TDRD3: variants seen among roughly 807,000 people sequenced by gnomAD.
TDRD3 encodes the protein tudor domain-containing protein 3.
TDRD3 carries 45 observed loss-of-function variants against 86.7 expected under a neutral mutation model. The ratio of observed to expected loss-of-function variants is 0.52; its 90% CI spans 0.41 to 0.67. The LOEUF (loss-of-function observed/expected upper bound fraction) is 0.67. Among genes scored for constraint, TDRD3 ranks in the 30% least tolerant of loss-of-function variants. The pLI is 0.00. For missense variants in TDRD3, 814 were observed against 889.0 expected, an observed-to-expected ratio of 0.92 and a Z score of 1.07; for synonymous variants, 298 against 301.7, an observed-to-expected ratio of 0.99 and a Z score of 0.13.
At chr13:60,412,142 G>A (rs992096916) in intron 1 of TDRD3, among the ~76,000 whole-genome samples, 1 of 152,192 alleles carries the variant, frequency 6.6e-6, no homozygotes, top group South Asian at 2.1e-4. Context: ...GGTAGTGTGA[G>A]ATTGCTCCAA....
At chr13:60,476,024 G>A (rs1956179928) in intron 5 of TDRD3, among the ~76,000 whole-genome samples, 1 of 152,088 alleles carries the variant, frequency 6.6e-6, no homozygotes, top group Non-Finnish European at 1.5e-5. Context: ...CCTTTGCTGT[G>A]CAGAAGCTCT....
intron 12 of TDRD3, among the ~76,000 whole-genome samples, chr13:60,563,625 T>C (rs188553613): frequency 2.6e-5 from 4 of 152,330 alleles, no homozygotes; most frequent in East Asian, 1.9e-4. Flanking sequence ...CTTCCAGGGA[T>C]TGGCTGATGC....
At chr13:60,495,936 C>T (rs912326478) in intron 8 of TDRD3, among the ~76,000 whole-genome samples, 1 of 151,934 alleles carries the variant, frequency 6.6e-6, no homozygotes, top group African/African-American at 2.4e-5. Flanking sequence ...GGAGTGTCAA[C>T]TTGATTGGAT....
At chr13:60,406,846 A>G (rs1236963306) in intron 1 of TDRD3, among the ~76,000 whole-genome samples, 10 of 152,204 alleles carry the variant, frequency 6.6e-5, no homozygotes, top group Non-Finnish European at 1.5e-4. Context: ...TCTTTCCCCA[A>G]ATTCCTCTAA....
chr13:60,539,837 T>C (rs1482808066), intron 12 of TDRD3, among the ~76,000 whole-genome samples: 1 of 152,000 alleles, frequency 6.6e-6, no homozygotes, highest in Non-Finnish European at 1.5e-5. Flanking sequence ...CATATAATCA[T>C]GAGTTTAAAA....
intron 8 of TDRD3, among the ~76,000 whole-genome samples, chr13:60,506,633 T>C (rs185520504): frequency 1.1e-3 from 171 of 152,264 alleles, no homozygotes; most frequent in African/African-American, 4.1e-3. Flanking sequence ...GGTGCATGCC[T>C]ATAATCCCAG....
At chr13:60,531,728 G>A (rs1957586339) in intron 11 of TDRD3, among the ~76,000 whole-genome samples, 1 of 152,004 alleles carries the variant, frequency 6.6e-6, no homozygotes, top group Non-Finnish European at 1.5e-5. Context: ...TCTGCCAGTA[G>A]AAAATGTAAC....
intron 10 of TDRD3, among the ~76,000 whole-genome samples, chr13:60,511,054 T>C (rs1012904621): frequency 6.6e-6 from 1 of 152,100 alleles, no homozygotes; most frequent in African/African-American, 2.4e-5. Flanking sequence ...GGAAATTTAT[T>C]ATAATCTTAT....
At chr13:60,511,349 G>A (rs2137666175) in intron 10 of TDRD3, among the ~76,000 whole-genome samples, 1 of 152,218 alleles carries the variant, frequency 6.6e-6, no homozygotes, top group South Asian at 2.1e-4. Context: ...GATATATTTT[G>A]AATCTAGCCA....
At chr13:60,512,027 A>C (rs998471870) in intron 10 of TDRD3, among the ~76,000 whole-genome samples, 1 of 151,840 alleles carries the variant, frequency 6.6e-6, no homozygotes, top group African/African-American at 2.4e-5. Flanking sequence ...CTCCTGTATT[A>C]GTTTGTTTTC....
intron 12 of TDRD3, among the ~76,000 whole-genome samples, chr13:60,564,322 A>G (rs1703948256): frequency 2.0e-5 from 3 of 152,140 alleles, no homozygotes; most frequent in Non-Finnish European, 2.9e-5. Flanking sequence ...TCAATCAAAT[A>G]CATTTAAGAA....
At chr13:60,463,114 T>C (rs1955837076) in intron 4 of TDRD3, among the ~76,000 whole-genome samples, 1 of 152,116 alleles carries the variant, frequency 6.6e-6, no homozygotes, top group African/African-American at 2.4e-5. Context: ...AACCTAAATG[T>C]GGCTGGGCAT....
rs938989266 is a variant in TDRD3 at position 60,514,120 on chromosome 13, G to A, written c.1141+3365G>A. Among the ~76,000 whole-genome samples the A allele has an allele frequency of 2.0e-5, 3 of 152,148 alleles. No individual in the cohort carries two copies. The South Asian group carries it at 6.2e-4, about 32-fold the overall frequency. On this transcript the variant is annotated intron_variant, in intron 10 of 13. Transcript: ENST00000377881. ...GGACAATGAAATCCAGGCTGAGGTGGTCTCAGATGGAGATGAGGAATTTGT... is the reference window on the plus strand; with the variant it reads ...GGACAATGAAATCCAGGCTGAGGTGATCTCAGATGGAGATGAGGAATTTGT...
chr13:60,401,796 A>G (rs1594888903), intron 1 of TDRD3, among the ~76,000 whole-genome samples: 1 of 152,212 alleles, frequency 6.6e-6, no homozygotes, highest in South Asian at 2.1e-4. Context: ...TATTGGTGCT[A>G]TCACCATGCT....
chr13:60,456,085 A>AAG (rs1955663321), intron 3 of TDRD3, among the ~76,000 whole-genome samples: 1 of 151,658 alleles, frequency 6.6e-6, no homozygotes. Context: ...AAAAAAAAAA[A>AAG]AAAGATTAAT....
At chr13:60,403,310 T>A (rs1594890814) in intron 1 of TDRD3, among the ~76,000 whole-genome samples, 1 of 152,362 alleles carries the variant, frequency 6.6e-6, no homozygotes. Context: ...CATAGTAACA[T>A]TTTAAGAACC....
At chr13:60,444,085 A>G (rs1293417566) in intron 2 of TDRD3, among the ~76,000 whole-genome samples, 1 of 151,910 alleles carries the variant, frequency 6.6e-6, no homozygotes, top group Non-Finnish European at 1.5e-5. Flanking sequence ...GTTGAGTTAC[A>G]GGTACTTCTG....
At chr13:60,529,271 G>A (rs979356869) in intron 11 of TDRD3, 54 bp downstream of exon 11, 158 of 1,503,100 alleles carry the variant, frequency 1.1e-4, no homozygotes, top group Non-Finnish European at 1.3e-4. Context: ...TAACATTCTA[G>A]TGGGACTTTA....
chr13:60,408,647 G>C (rs1954289500), intron 1 of TDRD3, among the ~76,000 whole-genome samples: 1 of 152,184 alleles, frequency 6.6e-6, no homozygotes, highest in Non-Finnish European at 1.5e-5. Flanking sequence ...GCACTTGAGA[G>C]AGATGATTTA....
Sources: gnomAD v4.1 joint callset for allele counts (sites outside exome capture counted in the v4.1 genomes callset) on GRCh38, gnomAD v4.1.1 for gene constraint, MANE v1.5 for transcripts, NCBI Gene and HGNC (gene_info 2026-07-23, HGNC 2026-07-21) for gene names.